Variants in ADARB2 observed in about 807,000 individuals in gnomAD.
ADARB2 encodes adenosine deaminase RNA specific B2 (inactive), also known as inactive double-stranded RNA-specific editase B2.
ADARB2 carries 25 observed loss-of-function variants against 62.2 expected under a neutral mutation model. The ratio of observed to expected loss-of-function variants is 0.40; its 90% confidence interval spans 0.29 to 0.56. ADARB2 has a LOEUF of 0.56. Among genes scored for constraint, ADARB2 ranks in the 20% least tolerant of loss-of-function variants. The pLI, the probability that ADARB2 is intolerant of heterozygous loss-of-function variation, is 0.43. For synonymous variants in ADARB2, 572 were observed against 500.8 expected (o/e 1.14, Z -1.90); for missense variants, 1,071 against 1,077.4 (o/e 0.99, Z 0.08).
At chr10:1,375,199 C>G (rs941924562) in intron 2 of ADARB2, among the ~76,000 whole-genome samples, 4 of 152,198 alleles carry the variant, frequency 2.6e-5, no homozygotes, top group Non-Finnish European at 5.9e-5. Flanking sequence ...CTCAGCTGGT[C>G]CTCGCAGAAC....
intron 4 of ADARB2, among the ~76,000 whole-genome samples, chr10:1,263,323 G>T (rs945827563): frequency 6.6e-6 from 1 of 152,146 alleles, no homozygotes; most frequent in African/African-American, 2.4e-5. Context: ...TGAATAATAG[G>T]AGAATGTGGC....
At chr10:1,186,083 C>T (rs186063034) in intron 8 of ADARB2, among the ~76,000 whole-genome samples, 6 of 152,310 alleles carry the variant, frequency 3.9e-5, no homozygotes, top group South Asian at 2.1e-4. Context: ...CATGAGATTC[C>T]GGTGCAGCTG....
intron 1 of ADARB2, among the ~76,000 whole-genome samples, chr10:1,525,890 CAT>C (rs1832134589): frequency 6.6e-6 from 1 of 151,118 alleles, no homozygotes; most frequent in South Asian, 2.1e-4. Context: ...CGTGTATGTG[CAT>C]GTGTGTGAGC....
intron 7 of ADARB2, among the ~76,000 whole-genome samples, chr10:1,203,346 G>A (rs111319505): frequency 1.1e-4 from 17 of 152,166 alleles, no homozygotes; most frequent in Admixed American, 5.9e-4. Flanking sequence ...ACAGGTCTCC[G>A]GTGGGTTGAC....
intron 3 of ADARB2, among the ~76,000 whole-genome samples, chr10:1,354,646 C>T (rs1247146078): frequency 6.6e-6 from 1 of 152,232 alleles, no homozygotes; most frequent in African/African-American, 2.4e-5. Flanking sequence ...GAGCAGGGCC[C>T]TCCTGGGCAT....
At chr10:1,726,142 G>A (rs1322614345) in intron 1 of ADARB2, among the ~76,000 whole-genome samples, 1 of 152,222 alleles carries the variant, frequency 6.6e-6, no homozygotes, top group Non-Finnish European at 1.5e-5. Flanking sequence ...GGCCAAAAAT[G>A]AGCAGAGCCT....
rs558154579 is a variant in ADARB2 at position 1,625,485 on chromosome 10, C to T, written c.100+111566G>A. ...CAATGCTGGGATCCCAGTGAACAGA[C>T]GGCAGGGAATGTTCCTCGGAGGGAA... On this transcript the variant is annotated intron_variant, in intron 1 of 9. Transcript: ENST00000381312. 8.5e-5 allele frequency among the ~76,000 whole-genome samples: 13 copies of T among 152,168 alleles called. No homozygotes were observed. The East Asian group carries it at 9.7e-4, about 11-fold the overall frequency.
chr10:1,579,214 G>A (rs1833062691), intron 1 of ADARB2, among the ~76,000 whole-genome samples: 1 of 152,330 alleles, frequency 6.6e-6, no homozygotes, highest in South Asian at 2.1e-4. Context: ...TCGGTCACCT[G>A]TTCGAGGGCA....
chr10:1,733,934 A>G (rs530968647), intron 1 of ADARB2, among the ~76,000 whole-genome samples: 23 of 146,828 alleles, frequency 1.6e-4, no homozygotes, highest in African/African-American at 4.8e-4. Context: ...CGTGTCTGGC[A>G]TGTGTCATGG....
chr10:1,395,227 G>A (rs1309428894), intron 1 of ADARB2, among the ~76,000 whole-genome samples: 1 of 152,174 alleles, frequency 6.6e-6, no homozygotes, highest in Non-Finnish European at 1.5e-5. Context: ...TGAATTCACT[G>A]CTCAGAGCTC....
intron 1 of ADARB2, among the ~76,000 whole-genome samples, chr10:1,606,468 C>A (rs1010835197): frequency 2.6e-5 from 4 of 152,130 alleles, no homozygotes; most frequent in African/African-American, 9.7e-5. Flanking sequence ...TTAGGGCCTG[C>A]AAGAGACAAT....
chr10:1,393,608 G>C (rs972390532), intron 1 of ADARB2, among the ~76,000 whole-genome samples: 3 of 152,176 alleles, frequency 2.0e-5, no homozygotes, highest in Non-Finnish European at 4.4e-5. Context: ...TGGGACCTGT[G>C]ACAGGGCACG....
At chr10:1,463,650 G>A (rs895864279) in intron 1 of ADARB2, among the ~76,000 whole-genome samples, 3 of 152,304 alleles carry the variant, frequency 2.0e-5, no homozygotes, top group Admixed American at 6.5e-5. Context: ...CTACTGAAAG[G>A]ATTTCTGGCA....
rs1406701261 is a variant in ADARB2 at position 1,177,950 on chromosome 10, C to T, written c.*5243G>A. ...CTCTACCAAAAATACAAAAATTAGCCAATCTCATAAGCCGGTCTCAAAAAA... is the reference window on the plus strand; with the variant it reads ...CTCTACCAAAAATACAAAAATTAGCTAATCTCATAAGCCGGTCTCAAAAAA... On this transcript the variant is annotated 3_prime_UTR_variant, in exon 10 of 10. Coordinates refer to ENST00000381312, the MANE Select transcript of ADARB2 (RefSeq NM_018702.4). 1.3e-5 allele frequency: 2 copies of T among 152,204 alleles called. No homozygotes were observed. Among genetic ancestry groups the T allele is most frequent in the Admixed American group, 1.3e-4 (2 of 15,282 alleles). 9.4% of individuals were successfully genotyped at this position (152,204 alleles called of 1,614,324 possible).
chr10:1,330,164 G>C (rs1052764755), intron 3 of ADARB2, among the ~76,000 whole-genome samples: 5 of 152,046 alleles, frequency 3.3e-5, no homozygotes, highest in Admixed American at 2.6e-4. Context: ...GCTGAGTCAG[G>C]GTCGATTCAG....
chr10:1,680,113 T>A (rs561885134), intron 1 of ADARB2, among the ~76,000 whole-genome samples: 1 of 152,084 alleles, frequency 6.6e-6, no homozygotes, highest in East Asian at 1.9e-4. Context: ...AACCCGCCAC[T>A]CATACAAACT....
intron 1 of ADARB2, among the ~76,000 whole-genome samples, chr10:1,631,471 G>A (rs984079464): frequency 6.6e-6 from 1 of 152,218 alleles, no homozygotes. Context: ...TCCCATGCCC[G>A]ATGTCAGAGC....
chr10:1,682,573 C>T (rs988846085), intron 1 of ADARB2, among the ~76,000 whole-genome samples: 6 of 152,144 alleles, frequency 3.9e-5, no homozygotes, highest in African/African-American at 1.2e-4. Flanking sequence ...GGGATTAAGC[C>T]GGGTTCAGGG....
chr10:1,450,070 C>G (rs1266715425), intron 1 of ADARB2, among the ~76,000 whole-genome samples: 1 of 152,168 alleles, frequency 6.6e-6, no homozygotes, highest in East Asian at 1.9e-4. Context: ...AGGTGGCCAC[C>G]CTGCCCTCCT....
Sources: allele counts gnomAD v4.1 joint callset (sites outside exome capture counted in the v4.1 genomes callset), GRCh38; gene constraint gnomAD v4.1.1; transcripts MANE v1.5; gene names NCBI Gene and HGNC (gene_info 2026-07-23, HGNC 2026-07-21).